Variants in SGCZ observed in about 807,000 individuals in gnomAD.
The protein encoded by SGCZ is zeta-sarcoglycan.
A neutral mutation model predicts 41.3 loss-of-function variants in SGCZ; 40 were observed. The observed-to-expected ratio is 0.97, with a 90% CI of 0.75 to 1.26. SGCZ has a LOEUF of 1.26. Ranked by LOEUF, SGCZ falls within the 50% of genes most tolerant of loss-of-function variation. The probability of loss-of-function intolerance (pLI) is 0.00; values close to 1 mark genes in which losing one functional copy is unlikely to be tolerated. For missense variants in SGCZ, 552 were observed against 369.8 expected (o/e 1.49, Z -4.04); for synonymous variants, 206 against 137.5 (o/e 1.50, Z -3.49).
intron 1 of SGCZ, among the ~76,000 whole-genome samples, chr8:15,182,122 C>G (rs1269379993): frequency 6.6e-6 from 1 of 152,060 alleles, no homozygotes; most frequent in Non-Finnish European, 1.5e-5. Flanking sequence ...CTCTATCTAG[C>G]AAAATACATT....
intron 1 of SGCZ, among the ~76,000 whole-genome samples, chr8:15,104,675 A>G (rs1360127800): frequency 1.6e-5 from 2 of 124,056 alleles, no homozygotes; most frequent in African/African-American, 3.1e-5. Flanking sequence ...ACCACGTGTA[A>G]AACTTGTTTT....
At chr8:15,017,873 C>A (rs1803098112) in intron 1 of SGCZ, among the ~76,000 whole-genome samples, 2 of 152,100 alleles carry the variant, frequency 1.3e-5, no homozygotes, top group Admixed American at 1.3e-4. Context: ...TGGTTTCTCA[C>A]AAATGCTCTT....
intron 1 of SGCZ, among the ~76,000 whole-genome samples, chr8:14,604,167 C>A (rs933761900): frequency 1.3e-5 from 2 of 152,110 alleles, no homozygotes; most frequent in East Asian, 3.9e-4. Flanking sequence ...CTGTAATGTA[C>A]GGATGCCACT....
At chr8:14,486,548 G>A (rs969119048) in intron 2 of SGCZ, among the ~76,000 whole-genome samples, 1 of 152,212 alleles carries the variant, frequency 6.6e-6, no homozygotes, top group Non-Finnish European at 1.5e-5. Context: ...AGGATTAACT[G>A]CACTTCTTGT....
chr8:14,213,815 C>A (rs1805899539), intron 4 of SGCZ, among the ~76,000 whole-genome samples: 1 of 151,856 alleles, frequency 6.6e-6, no homozygotes, highest in Non-Finnish European at 1.5e-5. Flanking sequence ...TAAATGAAAG[C>A]AAAGTTTCAA....
At chr8:14,747,631 T>G (rs73531129) in intron 1 of SGCZ, among the ~76,000 whole-genome samples, 1 of 150,908 alleles carries the variant, frequency 6.6e-6, no homozygotes, top group South Asian at 2.1e-4. Context: ...TCTGCAATGT[T>G]GTACCTGGTA....
At chr8:14,432,882 C>CCAG (rs1246107310) in intron 2 of SGCZ, among the ~76,000 whole-genome samples, 6 of 125,084 alleles carry the variant, frequency 4.8e-5, no homozygotes, top group African/African-American at 1.8e-4. Context: ...CTACTGCACT[C>CCAG]CAGCCTGGGC....
At chr8:14,861,993 C>A (rs569221534) in intron 1 of SGCZ, among the ~76,000 whole-genome samples, 4 of 151,964 alleles carry the variant, frequency 2.6e-5, no homozygotes, top group Admixed American at 6.6e-5. Context: ...GAAAACAGAG[C>A]CAACACCTGA....
intron 1 of SGCZ, among the ~76,000 whole-genome samples, chr8:15,111,041 G>A (rs183068657): frequency 2.0e-5 from 3 of 152,268 alleles, no homozygotes; most frequent in East Asian, 3.9e-4. Flanking sequence ...TGCTGAGGCA[G>A]GAGAATATGG....
intron 1 of SGCZ, among the ~76,000 whole-genome samples, chr8:15,147,516 G>A (rs1433471264): frequency 6.6e-6 from 1 of 152,174 alleles, no homozygotes; most frequent in Admixed American, 6.5e-5. Flanking sequence ...GACCTCAGGT[G>A]ATCCACCTCC....
chr8:14,278,885 G>T (rs889715511), intron 3 of SGCZ, among the ~76,000 whole-genome samples: 9 of 152,008 alleles, frequency 5.9e-5, no homozygotes, highest in Admixed American at 2.6e-4. Context: ...AATCTACAAG[G>T]TAGTTTTAAA....
intron 1 of SGCZ, among the ~76,000 whole-genome samples, chr8:14,647,666 T>A (rs1288720638): frequency 1.3e-5 from 2 of 151,998 alleles, no homozygotes; most frequent in Non-Finnish European, 2.9e-5. Flanking sequence ...TCTAAATGTG[T>A]CATTCAAATA....
intron 3 of SGCZ, among the ~76,000 whole-genome samples, chr8:14,287,940 T>C (rs879661742): frequency 6.6e-6 from 1 of 152,152 alleles, no homozygotes; most frequent in Non-Finnish European, 1.5e-5. Flanking sequence ...GATTTATTCC[T>C]CTTCGGTGAA....
At chr8:14,243,202 G>A (rs560502692) in intron 3 of SGCZ, among the ~76,000 whole-genome samples, 2 of 152,294 alleles carry the variant, frequency 1.3e-5, no homozygotes, top group South Asian at 2.1e-4. Context: ...TGTAGATGAT[G>A]TGAATTTGGT....
intron 1 of SGCZ, among the ~76,000 whole-genome samples, chr8:15,024,132 A>G (rs1308190303): frequency 5.9e-5 from 9 of 152,196 alleles, no homozygotes; most frequent in African/African-American, 1.9e-4. Context: ...TATTCTTAGT[A>G]TATCTTGGAA....
intron 1 of SGCZ, among the ~76,000 whole-genome samples, chr8:14,935,331 A>G (rs1411416932): frequency 6.6e-6 from 1 of 151,752 alleles, no homozygotes; most frequent in African/African-American, 2.4e-5. Flanking sequence ...CCATGTTGAC[A>G]TACATAACTT....
intron 2 of SGCZ, among the ~76,000 whole-genome samples, chr8:14,506,322 G>A (rs1446855228): frequency 6.6e-6 from 1 of 152,018 alleles, no homozygotes; most frequent in Non-Finnish European, 1.5e-5. Context: ...CCTGGTCAAG[G>A]TCAACCTCTC....
chr8:15,147,639 T>A (rs1799071547), intron 1 of SGCZ, among the ~76,000 whole-genome samples: 1 of 152,076 alleles, frequency 6.6e-6, no homozygotes, highest in African/African-American at 2.4e-5. Flanking sequence ...CAGGACACGA[T>A]CCCTTATGTA....
intron 7 of SGCZ, among the ~76,000 whole-genome samples, chr8:14,094,852 A>T (rs548694596): frequency 1.8e-4 from 27 of 152,194 alleles, no homozygotes; most frequent in Admixed American, 1.2e-3. Flanking sequence ...ATGGTATCTC[A>T]TTGTGGTTTT....
Sources: gnomAD v4.1 joint callset for allele counts (sites outside exome capture counted in the v4.1 genomes callset) on GRCh38, gnomAD v4.1.1 for gene constraint, MANE v1.5 for transcripts, NCBI Gene and HGNC (gene_info 2026-07-23, HGNC 2026-07-21) for gene names.